Variants in CAMTA1 observed in about 807,000 individuals in gnomAD.
CAMTA1 encodes the protein calmodulin-binding transcription activator 1.
In CAMTA1, 27 loss-of-function variants were observed where a neutral mutation model predicts 170.9. The ratio of observed to expected loss-of-function variants is 0.16; its 90% CI spans 0.12 to 0.22. The LOEUF (loss-of-function observed/expected upper bound fraction) is 0.22. Among genes scored for constraint, CAMTA1 ranks in the 10% least tolerant of loss-of-function variants. The pLI is 1.00. For synonymous variants in CAMTA1, 833 were observed against 891.5 expected, an observed-to-expected ratio of 0.93 and a Z score of 1.17; for missense variants, 1,619 against 2,217.2, an observed-to-expected ratio of 0.73 and a Z score of 5.42.
At chr1:7,330,382 G>A (rs553921609) in intron 5 of CAMTA1, among the ~76,000 whole-genome samples, 22 of 152,196 alleles carry the variant, frequency 1.4e-4, no homozygotes, top group Non-Finnish European at 2.8e-4. Flanking sequence ...TGCTGCTGGG[G>A]AAGAGACACG....
intron 3 of CAMTA1, among the ~76,000 whole-genome samples, chr1:6,876,827 C>T (rs1670034479): frequency 2.0e-5 from 3 of 152,112 alleles, no homozygotes; most frequent in Admixed American, 2.0e-4. Context: ...TTAGATAGAT[C>T]GAGAAATGGC....
rs150769425 is a variant in CAMTA1, at chr1:7,731,800, C to T, written c.2915-648C>T. On this transcript the variant is annotated intron_variant, in intron 11 of 22. Transcript: ENST00000303635. ...GCTGAGATGGGAGGATGGCTTGAGCCTGGGAAGTGGAAGTTGCAAATAAGC... is the reference window on the plus strand; with the variant it reads ...GCTGAGATGGGAGGATGGCTTGAGCTTGGGAAGTGGAAGTTGCAAATAAGC... Among the ~76,000 whole-genome samples the T allele has an allele frequency of 2.4e-3, 360 of 152,122 alleles. 1 individual carries two copies. Among genetic ancestry groups the T allele is most frequent in the African/African-American group, 8.4e-3 (347 of 41,478 alleles).
chr1:7,250,029 CCCCT>C (rs1241486231), intron 5 of CAMTA1, among the ~76,000 whole-genome samples: 3 of 149,532 alleles, frequency 2.0e-5, no homozygotes, highest in Admixed American at 6.6e-5. Flanking sequence ...AGCTGGCAGG[CCCCT>C]CACAGAGCCT....
chr1:7,608,957 T>TG (rs2095504981), intron 6 of CAMTA1, among the ~76,000 whole-genome samples: 1 of 151,980 alleles, frequency 6.6e-6, no homozygotes, highest in African/African-American at 2.4e-5. Flanking sequence ...GGACATTCTA[T>TG]GGGGAAATTC....
At chr1:7,226,736 A>C (rs1330263877) in intron 4 of CAMTA1, among the ~76,000 whole-genome samples, 2 of 152,154 alleles carry the variant, frequency 1.3e-5, no homozygotes, top group African/African-American at 4.8e-5. Flanking sequence ...TTTCCATGTT[A>C]ACAAATAGAG....
chr1:7,532,274 G>A lies in CAMTA1; in HGVS notation c.510+64373G>A, dbSNP rs1253086831. Among the ~76,000 whole-genome samples, 1 of 152,166 alleles carries A rather than the reference G, an allele frequency of 6.6e-6. No individual in the cohort carries two copies. Among genetic ancestry groups the A allele is most frequent in the Non-Finnish European group, 1.5e-5 (1 of 68,036 alleles). ...GTCAGGACTGCCACTCACCCTCCGAGGTGGCCATCTTCTCAGCTTCTTTCA... is the reference window on the plus strand; with the variant it reads ...GTCAGGACTGCCACTCACCCTCCGAAGTGGCCATCTTCTCAGCTTCTTTCA... On this transcript the variant is annotated intron_variant, in intron 6 of 22. Coordinates refer to ENST00000303635, the MANE Select transcript of CAMTA1 (RefSeq NM_015215.4). The surrounding 1 kb of genome is among the most constrained non-coding windows in gnomAD (Gnocchi z 4.2).
intron 3 of CAMTA1, among the ~76,000 whole-genome samples, chr1:6,903,931 G>A (rs1023796717): frequency 6.6e-6 from 1 of 152,164 alleles, no homozygotes; most frequent in African/African-American, 2.4e-5. Flanking sequence ...TCATCGTTGG[G>A]CAAGACTTCT....
chr1:7,312,684 A>T (rs6699580), intron 5 of CAMTA1, among the ~76,000 whole-genome samples: 98,414 of 152,124 alleles, frequency 0.65, 32,744 homozygotes, highest in African/African-American at 0.78. Context: ...CTCTGTCCCT[A>T]ACTGACTTTC....
rs559724381 is a variant in CAMTA1, at chr1:7,424,146, G to A, written c.439-43684G>A. Among the ~76,000 whole-genome samples, 4 of 152,168 alleles carry A rather than the reference G, an allele frequency of 2.6e-5. No homozygotes were observed. In the East Asian group the frequency reaches 7.8e-4, roughly 29 times the overall value. On this transcript the variant is annotated intron_variant, in intron 5 of 22. Transcript: ENST00000303635. Reference sequence around the variant, plus strand: ...CTGTGCTTGTGGCTGTCTTCTCTCGGGCATCTCTTTCCTACCTTCAGGGAG... The same window carrying A: ...CTGTGCTTGTGGCTGTCTTCTCTCGAGCATCTCTTTCCTACCTTCAGGGAG...
chr1:7,244,341 C>T (rs1045510474), intron 4 of CAMTA1, among the ~76,000 whole-genome samples: 2 of 152,200 alleles, frequency 1.3e-5, no homozygotes, highest in African/African-American at 4.8e-5. Flanking sequence ...GGCGATTCCT[C>T]AGGGATCTAG....
chr1:7,250,945 C>T (rs554523367), intron 5 of CAMTA1, among the ~76,000 whole-genome samples: 1 of 152,336 alleles, frequency 6.6e-6, no homozygotes, highest in South Asian at 2.1e-4. Context: ...AAGGCATTAG[C>T]CATCATCGCA....
chr1:6,868,302 C>CTT (rs540800023), intron 3 of CAMTA1, among the ~76,000 whole-genome samples: 3,732 of 129,266 alleles, frequency 0.029, 71 homozygotes, highest in Non-Finnish European at 0.034. Context: ...GAGCGAGACT[C>CTT]TTTTTTTTTT....
In CAMTA1 at chr1:7,585,585, G is replaced by C. The variant is rs1475452805; in HGVS notation, c.511-54815G>C. ...TCACCGTGAGTGTGGAGGGGAGCCA[G>C]TGAAAGAACGTGAACATGGGATCAC... On this transcript the variant is annotated intron_variant, in intron 6 of 22. Transcript: ENST00000303635. This position sits in a 1 kb window ranked among gnomAD's most constrained non-coding sequence, Gnocchi z 4.8. 6.6e-6 allele frequency among the ~76,000 whole-genome samples: 1 copy of C among 152,210 alleles called. No homozygotes were observed. Among genetic ancestry groups the C allele is most frequent in the Non-Finnish European group, 1.5e-5 (1 of 68,042 alleles).
chr1:7,250,878 T>A (rs1390884715), intron 5 of CAMTA1, among the ~76,000 whole-genome samples: 1 of 152,240 alleles, frequency 6.6e-6, no homozygotes, highest in Non-Finnish European at 1.5e-5. Context: ...AAAATGCAGA[T>A]TCCCCCAAAC....
intron 7 of CAMTA1, among the ~76,000 whole-genome samples, chr1:7,657,191 C>T (rs1185651201): frequency 6.6e-6 from 1 of 152,248 alleles, no homozygotes; most frequent in African/African-American, 2.4e-5. Flanking sequence ...TATCCCACCC[C>T]ATGCCAGCCC....
In CAMTA1 at chr1:7,654,816, C is replaced by CACACCA. The variant is rs1553235419; in HGVS notation, c.665-6910_665-6909insACACCA. ...ACACCTATACACACACCCACACACA[C>CACACCA]CACACACACCCCTATACACACGAAC... On this transcript the variant is annotated intron_variant, in intron 7 of 22. Coordinates refer to ENST00000303635, the MANE Select transcript of CAMTA1 (RefSeq NM_015215.4). Among the ~76,000 whole-genome samples the CACACCA allele has an allele frequency of 4.1e-4, 52 of 127,534 alleles. 1 individual carries two copies. Among genetic ancestry groups the CACACCA allele is most frequent in the African/African-American group, 1.6e-3 (50 of 31,842 alleles). 83.7% of individuals were successfully genotyped at this position (127,534 alleles called of 152,430 possible). A position where few individuals can be genotyped will look rare whatever the true frequency, so the allele number is the denominator to read the frequency against.
intron 6 of CAMTA1, among the ~76,000 whole-genome samples, chr1:7,612,618 T>G (rs552155325): frequency 6.6e-6 from 1 of 152,278 alleles, no homozygotes; most frequent in East Asian, 1.9e-4. Flanking sequence ...TTTCCTTGCC[T>G]CCTGTCCGTA....
chr1:7,385,151 G>A lies in CAMTA1; in HGVS notation c.439-82679G>A, dbSNP rs540645974. ...GTCACCCAGGCTAGAGTGCAGTGGC[G>A]TGATCTCGGCTCACTGCAACCTCCG... is the stretch of plus-strand genomic sequence containing the variant. On this transcript the variant is annotated intron_variant, in intron 5 of 22. Coordinates refer to ENST00000303635, the MANE Select transcript of CAMTA1 (RefSeq NM_015215.4). 2.7e-5 allele frequency among the ~76,000 whole-genome samples: 4 copies of A among 150,844 alleles called. No individual in the cohort carries two copies. The Middle Eastern group carries it at 0.01, about 385-fold the overall frequency.
chr1:7,509,540 G>A (rs1302736766), intron 6 of CAMTA1, among the ~76,000 whole-genome samples: 3 of 152,186 alleles, frequency 2.0e-5, no homozygotes. Context: ...TTTCAGAATG[G>A]CCCAGGATCC....
Sources: allele counts gnomAD v4.1 joint callset (sites outside exome capture counted in the v4.1 genomes callset), GRCh38; gene constraint gnomAD v4.1.1; non-coding constraint Gnocchi (gnomAD v3.1); transcripts MANE v1.5; gene names NCBI Gene and HGNC (gene_info 2026-07-23, HGNC 2026-07-21).